NSUN6: variants seen among roughly 807,000 people sequenced by gnomAD.
NSUN6 encodes tRNA (cytosine(72)-C(5))-methyltransferase NSUN6.
Under a neutral mutation model 58.0 loss-of-function variants are expected in NSUN6, and 64 were observed. The observed-to-expected ratio is 1.10, with a 90% CI of 0.90 to 1.36. The LOEUF (loss-of-function observed/expected upper bound fraction) is 1.36, where lower values mean the gene tolerates loss of function less well. NSUN6 is among the 40% of genes most tolerant of loss of function. The pLI is 0.00. For missense variants in NSUN6, 701 were observed against 550.1 expected, an observed-to-expected ratio of 1.27 and a Z score of -2.74; for synonymous variants, 231 against 193.9, an observed-to-expected ratio of 1.19 and a Z score of -1.59.
chr10:18,599,069 G>A (rs561833123), intron 6 of NSUN6, among the ~76,000 whole-genome samples: 1 of 152,060 alleles, frequency 6.6e-6, no homozygotes, highest in South Asian at 2.1e-4. Flanking sequence ...ATAGAGTCTT[G>A]CTCTGTCACA....
In NSUN6 at chr10:18,554,325, A is replaced by G. The variant is rs189529332; in HGVS notation, c.923-2354T>C. On this transcript the variant is annotated intron_variant, in intron 8 of 10. Coordinates refer to ENST00000377304, the MANE Select transcript of NSUN6 (RefSeq NM_182543.5). ...AGAATGCAATGGAGAGTGGAATGCA[A>G]TGTGGAATGGAATGGAATGGAGAGT... Among the ~76,000 whole-genome samples the G allele has an allele frequency of 9.3e-5, 14 of 151,200 alleles. No homozygotes were observed. The East Asian group carries it at 1.6e-3, about 17-fold the overall frequency.
In NSUN6 at chr10:18,642,544, T is replaced by C. The variant is rs2059420227; in HGVS notation, c.243A>G (p.Gly81=). 6.8e-7 allele frequency: 1 copy of C among 1,478,812 alleles called. No individual in the cohort carries two copies. The highest frequency in any genetic ancestry group is 9.4e-7 in the Non-Finnish European group (1 of 1,058,646). 91.6% of individuals were successfully genotyped at this position (1,478,812 alleles called of 1,614,324 possible). ...LLDELQKQFN[G]LSVPILQHPD... Reference sequence around the variant, plus strand: ...GATGTTGAAGAATAGGAACACTTAATCCATTAAACTGCTGTTAAAGATAAA... The same window carrying C: ...GATGTTGAAGAATAGGAACACTTAACCCATTAAACTGCTGTTAAAGATAAA... The change falls in exon 3 of 11, where the codon GGA becomes GGG. Residue 81 remains glycine (G), a synonymous_variant. Coordinates refer to ENST00000377304, the MANE Select transcript of NSUN6 (RefSeq NM_182543.5).
Position 18,545,884 on chromosome 10 carries a change from A to C in NSUN6, c.*49T>G. ...CACTTTGGTTAAAAAAAAAAAAACCACAGACAGCAAATGTTTGGAATTTTC... is the reference window on the plus strand; with the variant it reads ...CACTTTGGTTAAAAAAAAAAAAACCCCAGACAGCAAATGTTTGGAATTTTC... On this transcript the variant is annotated 3_prime_UTR_variant, in exon 11 of 11. Transcript: ENST00000377304. 4 of 1,084,806 alleles carry C rather than the reference A, an allele frequency of 3.7e-6. No individual in the cohort carries two copies. The highest frequency in any genetic ancestry group is 1.6e-5 in the African/African-American group (1 of 62,664). The allele number at this position is 1,084,806 out of a possible 1,614,324, so 67.2% of individuals were successfully genotyped here. A position where few individuals can be genotyped will look rare whatever the true frequency, so the allele number is the denominator to read the frequency against.
At chr10:18,633,013 C>G (rs1468397509) in intron 3 of NSUN6, among the ~76,000 whole-genome samples, 1 of 151,832 alleles carries the variant, frequency 6.6e-6, no homozygotes, top group Non-Finnish European at 1.5e-5. Context: ...ACCCAAATGT[C>G]CAACAATGAT....
chr10:18,611,726 G>C (rs1203635122), intron 5 of NSUN6, among the ~76,000 whole-genome samples: 6 of 40,802 alleles, frequency 1.5e-4, no homozygotes, highest in African/African-American at 3.6e-4. Context: ...TCACTATGGT[G>C]TGTGTGTGTG....
chr10:18,627,454 G>A (rs1340652621), intron 3 of NSUN6, among the ~76,000 whole-genome samples: 1 of 152,212 alleles, frequency 6.6e-6, no homozygotes, highest in African/African-American at 2.4e-5. Context: ...CTCCCAGCGT[G>A]AGCGACGCAG....
chr10:18,580,319 G>A lies in NSUN6; in HGVS notation c.922+5630C>T, dbSNP rs1447736958. Among the ~76,000 whole-genome samples, 4 of 152,034 alleles carry A rather than the reference G, an allele frequency of 2.6e-5. No homozygotes were observed. In the East Asian group the frequency reaches 5.8e-4, roughly 22 times the overall value. ...TTTTCCAACTACTTTCCACTTCTCC[G>A]AAGCTCAGAATAAGATCCACTTCAT... On this transcript the variant is annotated intron_variant, in intron 8 of 10. Coordinates refer to ENST00000377304, the MANE Select transcript of NSUN6 (RefSeq NM_182543.5).
intron 7 of NSUN6, among the ~76,000 whole-genome samples, chr10:18,587,824 G>C (rs544658301): frequency 1.3e-5 from 2 of 152,026 alleles, no homozygotes; most frequent in African/African-American, 4.8e-5. Flanking sequence ...CATGGGCCCT[G>C]GGTTTCAAGC....
intron 3 of NSUN6, among the ~76,000 whole-genome samples, chr10:18,634,292 C>A (rs1299486756): frequency 1.3e-5 from 2 of 152,130 alleles, no homozygotes; most frequent in Non-Finnish European, 2.9e-5. Context: ...AATAAAACCT[C>A]TGAATAAAGA....
chr10:18,558,923 GAATGGACTGGAC>G (rs2055263087), intron 8 of NSUN6, among the ~76,000 whole-genome samples: 1 of 151,272 alleles, frequency 6.6e-6, no homozygotes, highest in Non-Finnish European at 1.5e-5. Context: ...ATGGAATTGA[GAATGGACTGGAC>G]AATGGAATGG....
intron 5 of NSUN6, among the ~76,000 whole-genome samples, chr10:18,612,424 A>C (rs979265909): frequency 2.0e-5 from 3 of 152,172 alleles, no homozygotes; most frequent in African/African-American, 4.8e-5. Context: ...TTCTAAAAGA[A>C]AAAAGCAAAG....
intron 8 of NSUN6, among the ~76,000 whole-genome samples, chr10:18,565,701 C>T (rs369913936): frequency 6.6e-6 from 1 of 150,716 alleles, no homozygotes; most frequent in African/African-American, 2.4e-5. Flanking sequence ...CCATTCCACT[C>T]CATGCCATTC....
intron 3 of NSUN6, among the ~76,000 whole-genome samples, chr10:18,639,365 G>A (rs1463587341): frequency 1.3e-5 from 2 of 152,030 alleles, no homozygotes; most frequent in African/African-American, 4.8e-5. Flanking sequence ...GTGGTGGCAT[G>A]CGCCTGTAGC....
chr10:18,625,401 C>A (rs1021379437), intron 3 of NSUN6, among the ~76,000 whole-genome samples: 6 of 152,178 alleles, frequency 3.9e-5, no homozygotes, highest in Non-Finnish European at 7.4e-5. Context: ...AAAAGCTACA[C>A]TGTGTCTCAT....
chr10:18,550,026 CA>C (rs2054505850), intron 9 of NSUN6, among the ~76,000 whole-genome samples: 1 of 152,210 alleles, frequency 6.6e-6, no homozygotes, highest in Non-Finnish European at 1.5e-5. Flanking sequence ...CTCAAGTCAA[CA>C]AGGCTCAAGT....
rs188657276 is a variant in NSUN6 at position 18,547,558 on chromosome 10, G to C, written c.1197+554C>G. On this transcript the variant is annotated intron_variant, in intron 10 of 10. Transcript: ENST00000377304. ...TCTCAAATATCCTGGACTAAAAATT[G>C]AATCAAAAATACATTTCTAATAAAG... is the stretch of plus-strand genomic sequence containing the variant. Among the ~76,000 whole-genome samples, 302 of 152,198 alleles carry C rather than the reference G, an allele frequency of 2.0e-3. 1 individual carries two copies. The highest frequency in any genetic ancestry group is 7.1e-3 in the African/African-American group (294 of 41,544).
At chr10:18,635,927 T>C (rs2059199754) in intron 3 of NSUN6, among the ~76,000 whole-genome samples, 1 of 150,522 alleles carries the variant, frequency 6.6e-6, no homozygotes, top group African/African-American at 2.4e-5. Context: ...GCCAAATGTC[T>C]AAAGTTCAAT....
intron 3 of NSUN6, among the ~76,000 whole-genome samples, chr10:18,627,554 G>A (rs1262575828): frequency 1.3e-5 from 2 of 152,182 alleles, no homozygotes; most frequent in South Asian, 2.1e-4. Context: ...GTGGGTGCGC[G>A]CACCGTGCCC....
chr10:18,627,435 G>A (rs565390304), intron 3 of NSUN6, among the ~76,000 whole-genome samples: 9 of 152,170 alleles, frequency 5.9e-5, no homozygotes, highest in African/African-American at 1.7e-4. Flanking sequence ...GAACAGCTCC[G>A]GTCTACAGCT....
Sources: gnomAD v4.1 joint callset for allele counts (sites outside exome capture counted in the v4.1 genomes callset) on GRCh38, gnomAD v4.1.1 for gene constraint, MANE v1.5 for transcripts, NCBI Gene and HGNC (gene_info 2026-07-23, HGNC 2026-07-21) for gene names.